SAP30BP: variants seen among roughly 807,000 people sequenced by gnomAD.
SAP30BP encodes the protein SAP30-binding protein.
Under a neutral mutation model 46.3 loss-of-function variants are expected in SAP30BP, and 31 were observed. That is an observed-to-expected ratio of 0.67 (90% confidence interval 0.50 to 0.90). SAP30BP has a LOEUF of 0.90. SAP30BP is among the 40% of genes least tolerant of loss of function. The pLI is 0.00. For missense variants in SAP30BP, 312 were observed against 391.0 expected (o/e 0.80, Z 1.70); for synonymous variants, 169 against 144.2 (o/e 1.17, Z -1.23).
At chr17:75,694,916 A>G (rs2060294251) in intron 4 of SAP30BP, among the ~76,000 whole-genome samples, 1 of 152,242 alleles carries the variant, frequency 6.6e-6, no homozygotes, top group African/African-American at 2.4e-5. Flanking sequence ...GGTATAATTT[A>G]CATAGAGTAA....
At chr17:75,683,587 C>G (rs192713366) in intron 3 of SAP30BP, 2 of 152,276 alleles carry the variant, frequency 1.3e-5, no homozygotes, top group East Asian at 3.9e-4. Context: ...TCTGCAGTTT[C>G]CCTCTAATGA....
intron 6 of SAP30BP, chr17:75,702,910 C>A (rs779625429): frequency 3.3e-6 from 1 of 305,440 alleles, no homozygotes; most frequent in Non-Finnish European, 6.1e-6. Flanking sequence ...ACTGTAGGTT[C>A]ATCTTCCAAC....
intron 1 of SAP30BP, among the ~76,000 whole-genome samples, 173 bp downstream of exon 1, chr17:75,667,651 G>A (rs1207386231): frequency 6.6e-6 from 1 of 152,212 alleles, no homozygotes; most frequent in East Asian, 1.9e-4. Flanking sequence ...TAAGAATGAA[G>A]AATCTCCTTC....
chr17:75,681,588 T>C (rs964523374), intron 3 of SAP30BP, among the ~76,000 whole-genome samples: 1 of 152,182 alleles, frequency 6.6e-6, no homozygotes, highest in Non-Finnish European at 1.5e-5. Flanking sequence ...CTCCCAGGAA[T>C]TTGTTGTTGA....
At chr17:75,685,267 AGG>A (rs2060140116) in intron 3 of SAP30BP, among the ~76,000 whole-genome samples, 1 of 152,168 alleles carries the variant, frequency 6.6e-6, no homozygotes, top group Non-Finnish European at 1.5e-5. Context: ...TATGATACAG[AGG>A]ACTGCCTGTC....
chr17:75,675,510 C>T (rs2148376406), intron 3 of SAP30BP, among the ~76,000 whole-genome samples: 1 of 152,216 alleles, frequency 6.6e-6, no homozygotes, highest in African/African-American at 2.4e-5. Flanking sequence ...ATTTAGGTTT[C>T]TTTACACAAT....
chr17:75,684,256 T>A (rs925433172), intron 3 of SAP30BP, among the ~76,000 whole-genome samples: 4 of 152,234 alleles, frequency 2.6e-5, no homozygotes, highest in Admixed American at 6.5e-5. Flanking sequence ...GTCTACCTCA[T>A]AGGGTTATTG....
Position 75,699,834 on chromosome 17 carries a change from C to T in SAP30BP, c.359C>T (p.Pro120Leu), listed in dbSNP as rs537201525. 25 of 1,613,380 alleles carry T rather than the reference C, an allele frequency of 1.5e-5. No homozygotes were observed. The African/African-American group carries it at 1.6e-4, about 10-fold the overall frequency. ...ATGTCGCCTGATGAAATCAAGATCC[C>T]GCCAGAACCCCCTGGCAGATGTTCA... is the stretch of plus-strand genomic sequence containing the variant. Reference protein sequence around the residue: ...RNMSPDEIKIPPEPPGRCSNH... With the variant: ...RNMSPDEIKILPEPPGRCSNH... Residue 120 changes from proline to leucine, a missense_variant, in exon 5 of 11, where the codon CCG becomes CTG. Pro to Leu is a moderately conservative substitution (Grantham distance 98, BLOSUM62 -3). This residue lies in a region of SAP30BP where 296 missense variants were observed against 346.6 expected (regional missense o/e 0.85). Coordinates refer to ENST00000584667, the MANE Select transcript of SAP30BP (RefSeq NM_013260.8).
intron 3 of SAP30BP, among the ~76,000 whole-genome samples, chr17:75,678,978 G>T (rs1456041148): frequency 1.3e-5 from 2 of 150,320 alleles, no homozygotes; most frequent in Admixed American, 6.6e-5. Flanking sequence ...GTTTCTAGAG[G>T]TTTTTCAGGC....
At chr17:75,675,307 C>T (rs554098979) in intron 3 of SAP30BP, among the ~76,000 whole-genome samples, 1 of 152,144 alleles carries the variant, frequency 6.6e-6, no homozygotes, top group Admixed American at 6.5e-5. Flanking sequence ...CATGCCATGT[C>T]GCCCAGCTAA....
In SAP30BP at chr17:75,706,322, T is replaced by C. The variant is rs820229; in HGVS notation, c.746-18T>C. 1,596,533 of 1,610,378 alleles carry C rather than the reference T, an allele frequency of 0.99. 792,127 individuals are homozygous for C. The highest frequency in any genetic ancestry group is 1 in the Non-Finnish European group (1,178,492 of 1,179,170). ...GCTCATTGGTGGATCGTGATCCTGA[T>C]TTCTGCTTTATCTCCAGATGCTCAG... On this transcript the variant is annotated intron_variant, in intron 10 of 10. Coordinates refer to ENST00000584667, the MANE Select transcript of SAP30BP (RefSeq NM_013260.8). The surrounding 1 kb of genome is among the most constrained non-coding windows in gnomAD (Gnocchi z 4.6).
intron 1 of SAP30BP, 41 bp downstream of exon 1, chr17:75,667,519 C>A: frequency 6.3e-7 from 1 of 1,576,376 alleles, no homozygotes. Flanking sequence ...AATCGGGTGT[C>A]TGCCCGGAAT....
chr17:75,677,392 C>T (rs2060007377), intron 3 of SAP30BP, among the ~76,000 whole-genome samples: 1 of 151,068 alleles, frequency 6.6e-6, no homozygotes, highest in Non-Finnish European at 1.5e-5. Flanking sequence ...TGTGAGCCAC[C>T]ACGCCCGGCC....
At chr17:75,676,066 A>G (rs1331661948) in intron 3 of SAP30BP, among the ~76,000 whole-genome samples, 6 of 152,246 alleles carry the variant, frequency 3.9e-5, no homozygotes, top group Non-Finnish European at 4.4e-5. Flanking sequence ...CTGGGTACAT[A>G]TAACTGCTTT....
At chr17:75,682,530 T>C (rs1005152949) in intron 3 of SAP30BP, among the ~76,000 whole-genome samples, 9 of 152,224 alleles carry the variant, frequency 5.9e-5, no homozygotes, top group Admixed American at 2.0e-4. Flanking sequence ...ATTCTTCTTT[T>C]ATGTTTGCCT....
At chr17:75,670,814 C>T (rs1452659960) in intron 2 of SAP30BP, among the ~76,000 whole-genome samples, 2 of 152,104 alleles carry the variant, frequency 1.3e-5, no homozygotes, top group East Asian at 3.8e-4. Context: ...TCAAGTCTCT[C>T]GAGTGGTATT....
chr17:75,682,716 CA>C (rs2060096899), intron 3 of SAP30BP, among the ~76,000 whole-genome samples: 1 of 151,898 alleles, frequency 6.6e-6, no homozygotes, highest in Admixed American at 6.6e-5. Context: ...GTAATCCCAG[CA>C]CTTTGGGAGG....
chr17:75,703,717 C>A, intron 7 of SAP30BP, 91 bp from the exon 8 acceptor site: 4 of 1,203,586 alleles, frequency 3.3e-6, no homozygotes, highest in Non-Finnish European at 3.7e-6. Context: ...TAAGGGGACC[C>A]CAGACCAAGA....
chr17:75,703,968 A>G (rs1465513005), intron 8 of SAP30BP, 109 bp downstream of exon 8: 2 of 865,722 alleles, frequency 2.3e-6, no homozygotes, highest in East Asian at 4.8e-5. Flanking sequence ...ACTCTATGTC[A>G]GGCCATGTTC....
Sources: allele counts gnomAD v4.1 joint callset (sites outside exome capture counted in the v4.1 genomes callset), GRCh38; gene constraint gnomAD v4.1.1; regional missense constraint gnomAD v4.1.1; non-coding constraint Gnocchi (gnomAD v3.1); transcripts MANE v1.5; gene names NCBI Gene and HGNC (gene_info 2026-07-23, HGNC 2026-07-21).